The following ARHGAP26 variants were observed in gnomAD, a reference collection of about 807,000 sequenced individuals.
ARHGAP26 encodes the protein rho GTPase-activating protein 26.
A neutral mutation model predicts 104.8 loss-of-function variants in ARHGAP26; 38 were observed. The ratio of observed to expected loss-of-function variants is 0.36; its 90% CI spans 0.28 to 0.48. The LOEUF (loss-of-function observed/expected upper bound fraction) is 0.48. Among genes scored for constraint, ARHGAP26 ranks in the 20% least tolerant of loss-of-function variants. The pLI is 0.99. For synonymous variants in ARHGAP26, 341 were observed against 340.0 expected (o/e 1.00, Z -0.03); for missense variants, 704 against 947.9 (o/e 0.74, Z 3.38).
chr5:142,927,521 ATTG>A (rs548761471), intron 10 of ARHGAP26, among the ~76,000 whole-genome samples: 6 of 152,130 alleles, frequency 3.9e-5, no homozygotes, highest in Non-Finnish European at 8.8e-5. Context: ...TTTTAAAAAA[ATTG>A]TTGTATGGTA....
At chr5:142,996,260 G>A (rs557638131) in intron 11 of ARHGAP26, among the ~76,000 whole-genome samples, 12 of 152,288 alleles carry the variant, frequency 7.9e-5, no homozygotes, top group Admixed American at 5.2e-4. Context: ...TTGAAAGGCC[G>A]AGGTGGGCAG....
chr5:143,022,909 G>A (rs759888331), intron 12 of ARHGAP26, among the ~76,000 whole-genome samples: 3 of 152,188 alleles, frequency 2.0e-5, no homozygotes, highest in Non-Finnish European at 2.9e-5. Context: ...ACCCATGGGG[G>A]CTGGAAGGAA....
intron 17 of ARHGAP26, among the ~76,000 whole-genome samples, chr5:143,079,182 G>A (rs1400310683): frequency 6.6e-6 from 1 of 152,220 alleles, no homozygotes; most frequent in Non-Finnish European, 1.5e-5. Flanking sequence ...AAGTCAGTTT[G>A]GAAATGGTAG....
At chr5:142,818,248 C>A (rs1422391629) in intron 1 of ARHGAP26, among the ~76,000 whole-genome samples, 1 of 151,894 alleles carries the variant, frequency 6.6e-6, no homozygotes, top group Non-Finnish European at 1.5e-5. Context: ...TCTGGTTTAA[C>A]CCTCTGTGAT....
chr5:142,796,132 G>T (rs951527945), intron 1 of ARHGAP26, among the ~76,000 whole-genome samples: 3 of 151,572 alleles, frequency 2.0e-5, no homozygotes, highest in African/African-American at 7.3e-5. Flanking sequence ...CAAGGGCAAA[G>T]ATGTTTGCCA....
intron 17 of ARHGAP26, among the ~76,000 whole-genome samples, chr5:143,081,866 T>C (rs246641): frequency 0.1 from 15,810 of 152,018 alleles, 1,795 homozygotes; most frequent in African/African-American, 0.28. Context: ...ACAAAAAAAT[T>C]AGCCGGGCGT....
rs186719500 is a variant in ARHGAP26, at chr5:142,868,373, C to T, written c.155-5027C>T. On this transcript the variant is annotated intron_variant, in intron 1 of 22. Transcript: ENST00000645722. ...GCCTTGGGAGGGACTTTCGTCTTCA[C>T]CTCCAGAGCTCTGGGAAGCCATCAC... 1.1e-3 allele frequency among the ~76,000 whole-genome samples: 162 copies of T among 152,178 alleles called. 1 individual carries two copies. Among genetic ancestry groups the T allele is most frequent in the African/African-American group, 3.7e-3 (154 of 41,482 alleles).
chr5:142,973,773 GTTAT>G (rs1401435637), intron 11 of ARHGAP26, among the ~76,000 whole-genome samples: 3 of 150,736 alleles, frequency 2.0e-5, no homozygotes, highest in African/African-American at 7.3e-5. Context: ...TGAAACTATA[GTTAT>G]TTATTTCATA....
chr5:143,019,871 C>G (rs1780083767), intron 12 of ARHGAP26, among the ~76,000 whole-genome samples: 1 of 152,206 alleles, frequency 6.6e-6, no homozygotes, highest in Non-Finnish European at 1.5e-5. Context: ...GTCTCCTAAT[C>G]TTGACTTTAT....
intron 13 of ARHGAP26, 77 bp downstream of exon 13, chr5:143,037,338 G>C: frequency 1.6e-6 from 2 of 1,279,352 alleles, no homozygotes; most frequent in Non-Finnish European, 2.2e-6. Flanking sequence ...GCTACCTGCT[G>C]TTTCCTGACT....
chr5:143,185,503 C>T (rs145374103), intron 20 of ARHGAP26, among the ~76,000 whole-genome samples: 78 of 152,286 alleles, frequency 5.1e-4, no homozygotes, highest in African/African-American at 1.7e-3. Flanking sequence ...TAAGCTGGCT[C>T]TGAATATTTG....
intron 17 of ARHGAP26, among the ~76,000 whole-genome samples, chr5:143,117,321 A>G (rs1795592890): frequency 1.3e-5 from 2 of 152,162 alleles, no homozygotes; most frequent in Admixed American, 1.3e-4. Flanking sequence ...ATGCATCTGT[A>G]AATTCATCGA....
At chr5:143,083,291 A>G (rs1204227643) in intron 17 of ARHGAP26, among the ~76,000 whole-genome samples, 2 of 152,206 alleles carry the variant, frequency 1.3e-5, no homozygotes, top group Non-Finnish European at 2.9e-5. Flanking sequence ...ACATCGCAGT[A>G]ACCGGCCTAA....
At chr5:143,050,222 A>G (rs1156911922) in intron 14 of ARHGAP26, among the ~76,000 whole-genome samples, 3 of 152,112 alleles carry the variant, frequency 2.0e-5, no homozygotes, top group Non-Finnish European at 4.4e-5. Context: ...GTTGACTGAG[A>G]GCCTAATTTT....
intron 12 of ARHGAP26, among the ~76,000 whole-genome samples, chr5:143,030,601 C>CAA (rs140811918): frequency 2.8e-4 from 42 of 151,914 alleles, no homozygotes; most frequent in Middle Eastern, 3.4e-3. Flanking sequence ...TATATCATCA[C>CAA]AAAAAAAATG....
chr5:142,815,346 TA>T (rs978498777), intron 1 of ARHGAP26, among the ~76,000 whole-genome samples: 2 of 152,252 alleles, frequency 1.3e-5, no homozygotes, highest in Non-Finnish European at 2.9e-5. Context: ...TGGCCAGAAT[TA>T]CATAATTTTT....
intron 5 of ARHGAP26, among the ~76,000 whole-genome samples, chr5:142,885,879 T>C (rs1421306552): frequency 6.6e-6 from 1 of 152,228 alleles, no homozygotes; most frequent in Non-Finnish European, 1.5e-5. Context: ...CTTTTTTTAT[T>C]TTAAAGCAGT....
intron 20 of ARHGAP26, among the ~76,000 whole-genome samples, chr5:143,204,164 T>A (rs1162764398): frequency 6.6e-6 from 1 of 152,222 alleles, no homozygotes. Flanking sequence ...GCAGTCACTT[T>A]ATACCAAATG....
Position 143,018,477 on chromosome 5 carries a change from G to A in ARHGAP26, c.1144+4361G>A, listed in dbSNP as rs138072692. ...TTTATTGGCTTTATGAGTGTGTCTT[G>A]CACATTTAAGTTTCTAATCTAGCTG... On this transcript the variant is annotated intron_variant, in intron 12 of 22. Transcript: ENST00000645722. Among the ~76,000 whole-genome samples the A allele has an allele frequency of 3.0e-3, 464 of 152,280 alleles. 11 individuals are homozygous for A. Among genetic ancestry groups the A allele is most frequent in the Admixed American group, 0.028 (423 of 15,294 alleles).
Sources: gnomAD v4.1 joint callset for allele counts (sites outside exome capture counted in the v4.1 genomes callset) on GRCh38, gnomAD v4.1.1 for gene constraint, MANE v1.5 for transcripts, NCBI Gene and HGNC (gene_info 2026-07-23, HGNC 2026-07-21) for gene names.